The following KLRG1 variants were observed in gnomAD, a reference collection of about 807,000 sequenced individuals.
The protein encoded by KLRG1 is killer cell lectin like receptor G1, also known as killer cell lectin-like receptor subfamily G member 1.
Under a neutral mutation model 21.8 loss-of-function variants are expected in KLRG1, and 16 were observed. The observed-to-expected ratio is 0.73, with a 90% CI of 0.50 to 1.11. The LOEUF (loss-of-function observed/expected upper bound fraction) is 1.11. Among genes scored for constraint, KLRG1 ranks in the 50% most tolerant of loss-of-function variants. The pLI, the probability that KLRG1 is intolerant of heterozygous loss-of-function variation, is 0.00. For missense variants in KLRG1, 173 were observed against 218.3 expected (o/e 0.79, Z 1.31); for synonymous variants, 69 against 75.9 (o/e 0.91, Z 0.47).
chr12:9,066,882 ACT>A, the KLRG1 span: 1 of 152,108 alleles, frequency 6.6e-6, no homozygotes, highest in Admixed American at 6.5e-5. Context: ...TTGTCCTCAG[ACT>A]CTCTTGGCTC....
At chr12:9,129,629 A>AGT in the KLRG1 span, among the ~76,000 whole-genome samples, 2 of 151,842 alleles carry the variant, frequency 1.3e-5, no homozygotes, top group African/African-American at 4.8e-5. Flanking sequence ...GCTAGAGTGC[A>AGT]GTGGCGCGTT....
chr12:9,153,067 T>G, the KLRG1 span: 4 of 1,607,404 alleles, frequency 2.5e-6, no homozygotes, highest in Admixed American at 1.7e-5. Flanking sequence ...GAACAGAGTT[T>G]CCATTTCAAT....
At chr12:9,151,795 T>G in the KLRG1 span, 1 of 722,750 alleles carries the variant, frequency 1.4e-6, no homozygotes, top group Non-Finnish European at 2.3e-6. Flanking sequence ...GCTAATTGTT[T>G]TCAGGTCAGG....
the KLRG1 span, among the ~76,000 whole-genome samples, chr12:9,172,170 A>C: frequency 6.6e-6 from 1 of 152,244 alleles, no homozygotes; most frequent in Non-Finnish European, 1.5e-5. Flanking sequence ...AAGCCAGAAG[A>C]AATTGGGGGC....
chr12:9,021,541 C>G, the KLRG1 span, among the ~76,000 whole-genome samples: 1 of 151,606 alleles, frequency 6.6e-6, no homozygotes, highest in South Asian at 2.1e-4. Context: ...GCTGGGCCTA[C>G]AGGCGCACGC....
chr12:9,048,860 G>T, the KLRG1 span, among the ~76,000 whole-genome samples: 1 of 150,134 alleles, frequency 6.7e-6, no homozygotes, highest in East Asian at 1.9e-4. Flanking sequence ...AAAATAAAAT[G>T]AAAGGTATAC....
chr12:9,108,377 C>T, the KLRG1 span, among the ~76,000 whole-genome samples: 1 of 152,192 alleles, frequency 6.6e-6, no homozygotes, highest in Non-Finnish European at 1.5e-5. Flanking sequence ...CTGCCCACCT[C>T]AGCCTCCCAA....
At chr12:9,194,793 C>T in the KLRG1 span, among the ~76,000 whole-genome samples, 1 of 152,134 alleles carries the variant, frequency 6.6e-6, no homozygotes, top group African/African-American at 2.4e-5. Context: ...ATAACTACAA[C>T]TTGCCACTTA....
chr12:9,046,219 GA>G, the KLRG1 span, among the ~76,000 whole-genome samples: 1 of 152,076 alleles, frequency 6.6e-6, no homozygotes, highest in Non-Finnish European at 1.5e-5. Flanking sequence ...CCAAAGAGAA[GA>G]AAGGCTGAGA....
the KLRG1 span, among the ~76,000 whole-genome samples, chr12:9,062,973 C>T: frequency 2.0e-5 from 3 of 151,830 alleles, no homozygotes; most frequent in Non-Finnish European, 4.4e-5. Context: ...TCTCAGACAA[C>T]GTGGATGGAC....
the KLRG1 span, chr12:9,163,529 A>G: frequency 1.0e-6 from 1 of 986,120 alleles, no homozygotes; most frequent in South Asian, 2.0e-5. Flanking sequence ...GTCTGCTGCA[A>G]TGCTTTTAGG....
At chr12:9,053,208 G>T in the KLRG1 span, among the ~76,000 whole-genome samples, 1 of 72,584 alleles carries the variant, frequency 1.4e-5, no homozygotes, top group Non-Finnish European at 3.5e-5. Flanking sequence ...TGCCTGCGAC[G>T]GGGTGTCCTG....
At chr12:9,047,879 C>A in the KLRG1 span, among the ~76,000 whole-genome samples, 3 of 152,046 alleles carry the variant, frequency 2.0e-5, no homozygotes, top group East Asian at 5.8e-4. Flanking sequence ...AGGCAAAAAC[C>A]GATAGAACTG....
At chr12:8,975,693 A>C (rs2110190) in intron 1 of KLRG1, among the ~76,000 whole-genome samples, 52,670 of 151,936 alleles carry the variant, frequency 0.35, 10,555 homozygotes, top group South Asian at 0.44. Flanking sequence ...CCTCCTGAGT[A>C]GCTGAGACTA....
intron 3 of KLRG1, among the ~76,000 whole-genome samples, chr12:8,995,543 G>GTA (rs1185090661): frequency 3.3e-5 from 5 of 152,056 alleles, no homozygotes; most frequent in Non-Finnish European, 7.4e-5. Flanking sequence ...CCAGATGCTT[G>GTA]TATAGCATGT....
At chr12:9,071,431 AAT>A in the KLRG1 span, among the ~76,000 whole-genome samples, 1 of 151,516 alleles carries the variant, frequency 6.6e-6, no homozygotes, top group Non-Finnish European at 1.5e-5. Flanking sequence ...AAATGAAAAA[AAT>A]ATATATATAT....
At position 8,995,253 on chromosome 12, in the gene KLRG1, T is replaced by C. The variant is rs146665631; in HGVS notation, c.322T>C (p.Ser108Pro). 7 of 1,613,128 alleles carry C rather than the reference T, an allele frequency of 4.3e-6. No individual in the cohort carries two copies. The African/African-American group carries it at 5.3e-5, about 12-fold the overall frequency. ...TCTGGAATTCTGCCTAGCCAGAGAC[T>C]CACACCTCCTTGTGATAACGGACAA... ...SSLEFCLARD[S>P]HLLVITDNQE... Residue 108 changes from serine (S) to proline (P), a missense_variant, in exon 3 of 5, where the codon TCA (serine) becomes CCA (proline). Physicochemically the swap from Ser to Pro is moderately conservative, Grantham distance 74. Coordinates refer to ENST00000356986, the MANE Select transcript of KLRG1 (RefSeq NM_005810.4).
the KLRG1 span, chr12:9,113,613 CCAT>C: frequency 7.0e-7 from 1 of 1,419,454 alleles, no homozygotes; most frequent in Non-Finnish European, 9.8e-7. Flanking sequence ...GCACTTTTTT[CCAT>C]CATCATAATT....
the KLRG1 span, chr12:9,093,631 T>A: frequency 2.0e-6 from 2 of 1,023,662 alleles, no homozygotes; most frequent in Non-Finnish European, 2.7e-6. Flanking sequence ...ATAAAGCTTA[T>A]GAGAGAATGT....
Sources: gnomAD v4.1 joint callset for allele counts (sites outside exome capture counted in the v4.1 genomes callset) on GRCh38, gnomAD v4.1.1 for gene constraint, MANE v1.5 for transcripts, NCBI Gene and HGNC (gene_info 2026-07-23, HGNC 2026-07-21) for gene names.